EPHB1: variants seen among roughly 807,000 people sequenced by gnomAD.
EPHB1 encodes EPH receptor B1.
In EPHB1, 30 loss-of-function variants were observed where a neutral mutation model predicts 94.4. The ratio of observed to expected loss-of-function variants is 0.32; its 90% CI spans 0.24 to 0.43. EPHB1 has a LOEUF of 0.43. Among genes scored for constraint, EPHB1 ranks in the 20% least tolerant of loss-of-function variants. The pLI, the probability that EPHB1 is intolerant of heterozygous loss-of-function variation, is 1.00. For missense variants in EPHB1, 1,055 were observed against 1,308.3 expected, an observed-to-expected ratio of 0.81 and a Z score of 2.99; for synonymous variants, 522 against 489.1, an observed-to-expected ratio of 1.07 and a Z score of -0.89.
intron 3 of EPHB1, among the ~76,000 whole-genome samples, chr3:135,013,775 G>A (rs1935698254): frequency 6.6e-6 from 1 of 152,210 alleles, no homozygotes; most frequent in South Asian, 2.1e-4. Context: ...TTTCCTCTTG[G>A]CTGTGGATGT....
intron 3 of EPHB1, among the ~76,000 whole-genome samples, chr3:135,048,783 T>TTC: frequency 6.6e-6 from 1 of 152,342 alleles, no homozygotes; most frequent in East Asian, 1.9e-4. Context: ...CCACTGTGTC[T>TTC]TCTGCTTCTT....
rs939592681 is a variant in EPHB1, at chr3:135,004,632, A to T, written c.805+52580A>T. Among the ~76,000 whole-genome samples, 1,068 of 151,742 alleles carry T rather than the reference A, an allele frequency of 7.0e-3. 12 individuals carry two copies. The highest frequency in any genetic ancestry group is 0.024 in the African/African-American group (978 of 41,326). Reference sequence around the variant, plus strand: ...AGATTTTGTCTTTTCACATAGTCCCATATTTCTTGGAGGCTTTGCTCGTTT... The same window carrying T: ...AGATTTTGTCTTTTCACATAGTCCCTTATTTCTTGGAGGCTTTGCTCGTTT... On this transcript the variant is annotated intron_variant, in intron 3 of 15. Transcript: ENST00000398015.
At chr3:134,865,745 C>T (rs1036641858) in intron 1 of EPHB1, among the ~76,000 whole-genome samples, 19 of 151,640 alleles carry the variant, frequency 1.3e-4, no homozygotes, top group African/African-American at 4.4e-4. Flanking sequence ...AAGCAAGATG[C>T]AAAACAGAGT....
In EPHB1 at chr3:134,860,553, G is replaced by A. The variant is rs576219666; in HGVS notation, c.58+64864G>A. Among the ~76,000 whole-genome samples, 9 of 152,230 alleles carry A rather than the reference G, an allele frequency of 5.9e-5. No homozygotes were observed. In the South Asian group the frequency reaches 1.5e-3, roughly 25 times the overall value. ...TTCTTGGCCGGGCGCGATGGCTCAC[G>A]CCTGTAATCCCAGCACTTTGGGAGG... On this transcript the variant is annotated intron_variant, in intron 1 of 15. Coordinates refer to ENST00000398015, the MANE Select transcript of EPHB1 (RefSeq NM_004441.5).
At chr3:134,830,908 A>T (rs1187126539) in intron 1 of EPHB1, among the ~76,000 whole-genome samples, 1 of 152,162 alleles carries the variant, frequency 6.6e-6, no homozygotes, top group African/African-American at 2.4e-5. Flanking sequence ...GCCCTGGATG[A>T]TGAATGCCAA....
chr3:134,832,779 A>T (rs1421237720), intron 1 of EPHB1, among the ~76,000 whole-genome samples: 1 of 152,216 alleles, frequency 6.6e-6, no homozygotes, highest in East Asian at 1.9e-4. Context: ...CAAGTGGTAG[A>T]GAAGAGCTGA....
intron 1 of EPHB1, among the ~76,000 whole-genome samples, chr3:134,861,217 T>C (rs2037249882): frequency 6.6e-6 from 1 of 152,102 alleles, no homozygotes; most frequent in South Asian, 2.1e-4. Flanking sequence ...GCAGGAAATA[T>C]GAAGAGATGT....
At chr3:134,912,946 C>T (rs1006924908) in intron 1 of EPHB1, among the ~76,000 whole-genome samples, 3 of 152,242 alleles carry the variant, frequency 2.0e-5, no homozygotes, top group South Asian at 2.1e-4. Flanking sequence ...TGATATTTCC[C>T]GGTATCAGAA....
In EPHB1 at chr3:135,179,518, C is replaced by A. The variant is rs150414631; in HGVS notation, c.1760-342C>A. Reference sequence around the variant, plus strand: ...TTTTACCACCACTTTTCTGCTAATGCATTTGGTTGGCATCAGTCAGCTTCC... The same window carrying A: ...TTTTACCACCACTTTTCTGCTAATGAATTTGGTTGGCATCAGTCAGCTTCC... On this transcript the variant is annotated intron_variant, in intron 9 of 15. Coordinates refer to ENST00000398015, the MANE Select transcript of EPHB1 (RefSeq NM_004441.5). 1.4e-3 allele frequency among the ~76,000 whole-genome samples: 207 copies of A among 152,310 alleles called. 1 individual carries two copies. Among genetic ancestry groups the A allele is most frequent in the Non-Finnish European group, 2.7e-3 (181 of 68,034 alleles).
chr3:135,055,328 C>T (rs72975550), intron 3 of EPHB1, among the ~76,000 whole-genome samples: 2,239 of 152,334 alleles, frequency 0.015, 59 homozygotes, highest in African/African-American at 0.051. Flanking sequence ...GACACTCGAT[C>T]ATAACACCGG....
chr3:134,814,838 C>T (rs777383648), intron 1 of EPHB1, among the ~76,000 whole-genome samples: 82 of 152,160 alleles, frequency 5.4e-4, no homozygotes, highest in Non-Finnish European at 1.1e-3. Context: ...TCTTCACAGA[C>T]GGTCTTCTTT....
intron 3 of EPHB1, chr3:135,067,537 C>A (rs1576359003): frequency 6.6e-6 from 1 of 152,298 alleles, no homozygotes; most frequent in East Asian, 1.9e-4. Flanking sequence ...GTCTCACTCC[C>A]ACCATCCCCC....
At chr3:134,914,774 AG>A (rs935096862) in intron 1 of EPHB1, among the ~76,000 whole-genome samples, 2 of 152,286 alleles carry the variant, frequency 1.3e-5, no homozygotes, top group African/African-American at 4.8e-5. Flanking sequence ...TAGCAGCAGC[AG>A]GGGGCTTTTA....
chr3:135,249,761 T>TTAAG (rs1382789651), intron 15 of EPHB1, among the ~76,000 whole-genome samples: 1 of 152,198 alleles, frequency 6.6e-6, no homozygotes, highest in Non-Finnish European at 1.5e-5. Context: ...TCTTCCCCAT[T>TTAAG]TAAGTTTTTA....
At chr3:135,133,905 T>C (rs931101218) in intron 5 of EPHB1, among the ~76,000 whole-genome samples, 2 of 152,250 alleles carry the variant, frequency 1.3e-5, no homozygotes, top group Non-Finnish European at 2.9e-5. Context: ...ATGTACTGTG[T>C]GCCACGCTGT....
chr3:135,121,844 C>T (rs1011674718), intron 4 of EPHB1, among the ~76,000 whole-genome samples: 3 of 151,876 alleles, frequency 2.0e-5, no homozygotes, highest in African/African-American at 7.3e-5. Flanking sequence ...CACTTGGTCC[C>T]TGTTTCCCTT....
At chr3:135,020,375 G>T (rs113879798) in intron 3 of EPHB1, among the ~76,000 whole-genome samples, 2,271 of 152,196 alleles carry the variant, frequency 0.015, 60 homozygotes, top group African/African-American at 0.052. Context: ...TTTTAGAACA[G>T]TTTCATCTTC....
At chr3:134,942,886 G>A (rs1035872919) in intron 2 of EPHB1, among the ~76,000 whole-genome samples, 7 of 152,216 alleles carry the variant, frequency 4.6e-5, no homozygotes, top group African/African-American at 1.7e-4. Context: ...TCACAGCCTG[G>A]TAGCAGAAAC....
intron 3 of EPHB1, among the ~76,000 whole-genome samples, chr3:135,032,566 A>G (rs111771798): frequency 3.9e-5 from 6 of 152,270 alleles, no homozygotes; most frequent in South Asian, 4.1e-4. Context: ...CACCCAGGCC[A>G]TCTCTTCATA....
Sources: gnomAD v4.1 joint callset for allele counts (sites outside exome capture counted in the v4.1 genomes callset) on GRCh38, gnomAD v4.1.1 for gene constraint, MANE v1.5 for transcripts, NCBI Gene and HGNC (gene_info 2026-07-23, HGNC 2026-07-21) for gene names.